The following OPN3 variants were observed in gnomAD, a reference collection of about 807,000 sequenced individuals.
The protein encoded by OPN3 is opsin 3.
A neutral mutation model predicts 33.8 loss-of-function variants in OPN3; 29 were observed. The ratio of observed to expected loss-of-function variants is 0.86; its 90% CI spans 0.64 to 1.17. OPN3 has a LOEUF of 1.17. Among genes scored for constraint, OPN3 ranks in the 50% most tolerant of loss-of-function variants. The pLI is 0.00. For missense variants in OPN3, 437 were observed against 514.1 expected (o/e 0.85, Z 1.45); for synonymous variants, 216 against 216.1 (o/e 1.00, Z 0.00).
chr1:241,630,389 C>G (rs543547045), intron 1 of OPN3: 2 of 152,142 alleles, frequency 1.3e-5, no homozygotes, highest in African/African-American at 2.4e-5. Context: ...CTTTAAAAGT[C>G]TCATATATAT....
chr1:241,617,430 A>G (rs1664161422), intron 1 of OPN3, among the ~76,000 whole-genome samples: 3 of 152,206 alleles, frequency 2.0e-5, no homozygotes, highest in Admixed American at 2.0e-4. Flanking sequence ...CTGACAGCAA[A>G]TGAAAAAAAT....
At position 241,622,771 on chromosome 1, in the gene OPN3, T is replaced by C. The variant is rs138585709; in HGVS notation, c.373+17111A>G. On this transcript the variant is annotated intron_variant, in intron 1 of 3. Transcript: ENST00000366554. ...CACTTCTCTCTTCTGCATCATGTGC[T>C]ATTTCTATACCGCATGTTTTTTCCC... Among the ~76,000 whole-genome samples, 1,216 of 152,358 alleles carry C rather than the reference T, an allele frequency of 8.0e-3. 11 individuals are homozygous for C. The highest frequency in any genetic ancestry group is 0.02 in the Middle Eastern group (6 of 294).
At chr1:241,625,023 A>G (rs1453945261) in intron 1 of OPN3, among the ~76,000 whole-genome samples, 1 of 152,258 alleles carries the variant, frequency 6.6e-6, no homozygotes, top group East Asian at 1.9e-4. Flanking sequence ...AGTGTTAGTT[A>G]CAATTTCATC....
intron 1 of OPN3, among the ~76,000 whole-genome samples, chr1:241,622,121 A>G (rs1453129481): frequency 1.3e-5 from 2 of 152,180 alleles, no homozygotes. Flanking sequence ...CCTTGAACAA[A>G]TTAATCTCCT....
chr1:241,594,931 C>A, intron 3 of OPN3: 1 of 448,400 alleles, frequency 2.2e-6, no homozygotes, highest in South Asian at 3.6e-5. Flanking sequence ...TTGTAATCCT[C>A]CAAGCTTCAA....
At chr1:241,616,113 G>A (rs1040218784) in intron 1 of OPN3, among the ~76,000 whole-genome samples, 36 of 152,126 alleles carry the variant, frequency 2.4e-4, no homozygotes, top group African/African-American at 8.2e-4. Flanking sequence ...GTGACCAATC[G>A]TGGCCAACTC....
At chr1:241,630,541 A>G (rs1437992077) in intron 1 of OPN3, 1 of 152,056 alleles carries the variant, frequency 6.6e-6, no homozygotes, top group African/African-American at 2.4e-5. Flanking sequence ...GCAGTTGTAA[A>G]GCCATGTTAA....
intron 2 of OPN3, 38 bp from the exon 3 acceptor site, chr1:241,598,035 C>G: frequency 6.3e-7 from 1 of 1,594,822 alleles, no homozygotes; most frequent in Non-Finnish European, 8.5e-7. Context: ...GCTTAAAAAA[C>G]AAAAGAAGGG....
chr1:241,612,711 T>C (rs1418348991), intron 1 of OPN3, among the ~76,000 whole-genome samples: 2 of 152,158 alleles, frequency 1.3e-5, no homozygotes, highest in African/African-American at 2.4e-5. Context: ...AGTTTTCCAT[T>C]TGAGATATTC....
At chr1:241,633,869 A>G (rs1664751370) in intron 1 of OPN3, 2 of 1,613,834 alleles carry the variant, frequency 1.2e-6, no homozygotes, top group African/African-American at 1.3e-5. Context: ...GGCCATTACT[A>G]CATTATTGGT....
At chr1:241,625,190 A>G (rs193153029) in intron 1 of OPN3, among the ~76,000 whole-genome samples, 2 of 152,338 alleles carry the variant, frequency 1.3e-5, no homozygotes, top group East Asian at 3.9e-4. Flanking sequence ...AGTATTTTCT[A>G]TAGTTAACAC....
intron 1 of OPN3, among the ~76,000 whole-genome samples, chr1:241,619,548 C>T (rs1664222534): frequency 6.6e-6 from 1 of 152,184 alleles, no homozygotes; most frequent in Middle Eastern, 3.2e-3. Flanking sequence ...CCTGACACAG[C>T]ATATCATAAA....
rs533157343 is a variant in OPN3, at chr1:241,622,604, T to C, written c.373+17278A>G. Among the ~76,000 whole-genome samples, 181 of 152,294 alleles carry C rather than the reference T, an allele frequency of 1.2e-3. 2 individuals carry two copies. The South Asian group carries it at 0.019, about 16-fold the overall frequency. On this transcript the variant is annotated intron_variant, in intron 1 of 3. Transcript: ENST00000366554. ...TTAAAGAGGTGCCCATTCAATTCATTAGCACTCTTTAGTTTAAAACCATTG... is the reference window on the plus strand; with the variant it reads ...TTAAAGAGGTGCCCATTCAATTCATCAGCACTCTTTAGTTTAAAACCATTG...
In OPN3 at chr1:241,639,862, C is replaced by G. The variant is rs1057194033; in HGVS notation, c.373+20G>C. 5.9e-6 allele frequency: 9 copies of G among 1,516,728 alleles called. No individual in the cohort carries two copies. The highest frequency in any genetic ancestry group is 6.2e-6 in the Non-Finnish European group (7 of 1,129,610). 94.0% of individuals were successfully genotyped at this position (1,516,728 alleles called of 1,614,324 possible). A position where few individuals can be genotyped will look rare whatever the true frequency, so the allele number is the denominator to read the frequency against. On this transcript the variant is annotated intron_variant, in intron 1 of 3. Transcript: ENST00000366554. Reference sequence around the variant, plus strand: ...TGGAAGTTTGCAGAGGGGAGGCTGCCTTCTCCCAGTCCAACTCACCGAAGA... The same window carrying G: ...TGGAAGTTTGCAGAGGGGAGGCTGCGTTCTCCCAGTCCAACTCACCGAAGA...
At chr1:241,625,387 A>G (rs1204043963) in intron 1 of OPN3, among the ~76,000 whole-genome samples, 4 of 152,174 alleles carry the variant, frequency 2.6e-5, no homozygotes, top group Non-Finnish European at 5.9e-5. Flanking sequence ...CACCCCTTCC[A>G]AAAACAGTAT....
chr1:241,604,081 G>T (rs966844475), intron 2 of OPN3, among the ~76,000 whole-genome samples, 179 bp downstream of exon 2: 2 of 152,054 alleles, frequency 1.3e-5, no homozygotes, highest in Non-Finnish European at 2.9e-5. Flanking sequence ...ATGCTATTCC[G>T]CATTGATCTT....
At position 241,594,609 on chromosome 1, in the gene OPN3, C is replaced by T; in HGVS notation, c.1028G>A (p.Ser343Asn). The T allele has an allele frequency of 1.2e-6, 2 of 1,614,122 alleles. No homozygotes were observed. Among genetic ancestry groups the T allele is most frequent in the Middle Eastern group, 1.7e-4 (1 of 6,060 alleles). Residue 343 changes from serine (S) to asparagine (N), a missense_variant, in exon 4 of 4, where the codon AGT (serine) becomes AAT (asparagine). Physicochemically the swap from Ser to Asn is conservative, Grantham distance 46. Transcript: ENST00000366554. ...RPAKDLPAAG[S>N]EMQIRPIVMS... ...CACAATGGGTCTGATCTGCATTTCACTTCCAGCTGCTGGTAGGTCTTTAGC... is the reference window on the plus strand; with the variant it reads ...CACAATGGGTCTGATCTGCATTTCATTTCCAGCTGCTGGTAGGTCTTTAGC...
In OPN3 at chr1:241,605,193, T is replaced by C. The variant is rs1663795073; in HGVS notation, c.374-614A>G. Reference sequence around the variant, plus strand: ...TATTAAACTTTCTCCTGAAGAGAAATTCCAGAACGAGTAAGGGAGAGTCAC... The same window carrying C: ...TATTAAACTTTCTCCTGAAGAGAAACTCCAGAACGAGTAAGGGAGAGTCAC... On this transcript the variant is annotated intron_variant, in intron 1 of 3. Transcript: ENST00000366554. 2.0e-5 allele frequency among the ~76,000 whole-genome samples: 3 copies of C among 151,968 alleles called. No homozygotes were observed. The South Asian group carries it at 6.2e-4, about 31-fold the overall frequency.
At chr1:241,610,974 A>C (rs1182099277) in intron 1 of OPN3, among the ~76,000 whole-genome samples, 2 of 152,166 alleles carry the variant, frequency 1.3e-5, no homozygotes, top group Non-Finnish European at 2.9e-5. Flanking sequence ...TGTTTAGTAA[A>C]GTGGTAATGC....
Sources: allele counts gnomAD v4.1 joint callset (sites outside exome capture counted in the v4.1 genomes callset), GRCh38; gene constraint gnomAD v4.1.1; transcripts MANE v1.5; gene names NCBI Gene and HGNC (gene_info 2026-07-23, HGNC 2026-07-21).